GALNT13: variants seen among roughly 807,000 people sequenced by gnomAD.
The protein encoded by GALNT13 is polypeptide N-acetylgalactosaminyltransferase 13, also known as UDP-GalNAc:polypeptide N-acetylgalactosaminyltransferase 13.
A neutral mutation model predicts 64.2 loss-of-function variants in GALNT13; 28 were observed. The observed-to-expected ratio is 0.44, with a 90% CI of 0.32 to 0.60. GALNT13 has a LOEUF of 0.60. Ranked by LOEUF, GALNT13 falls within the 20% of genes least tolerant of loss-of-function variation. The pLI is 0.05. For missense variants in GALNT13, 577 were observed against 669.8 expected (o/e 0.86, Z 1.53); for synonymous variants, 214 against 224.6 (o/e 0.95, Z 0.42).
the GALNT13 span, among the ~76,000 whole-genome samples, chr2:153,406,887 G>A: frequency 2.0e-5 from 3 of 152,016 alleles, no homozygotes; most frequent in Non-Finnish European, 4.4e-5. Context: ...ATTCTAAACT[G>A]TTTTCACATG....
chr2:154,428,807 A>T (rs1410385753), intron 11 of GALNT13, among the ~76,000 whole-genome samples: 2 of 146,172 alleles, frequency 1.4e-5, no homozygotes, highest in Non-Finnish European at 3.0e-5. Flanking sequence ...TTTGAGATGG[A>T]GTCTCGCTCT....
the GALNT13 span, among the ~76,000 whole-genome samples, chr2:153,394,878 C>T: frequency 5.9e-5 from 9 of 152,248 alleles, no homozygotes; most frequent in South Asian, 2.1e-4. Context: ...GTAGTCTGCT[C>T]AGGATCTCAC....
chr2:153,568,000 T>G, the GALNT13 span, among the ~76,000 whole-genome samples: 1 of 152,204 alleles, frequency 6.6e-6, no homozygotes, highest in Non-Finnish European at 1.5e-5. Context: ...TCCTGAGGCT[T>G]CTTTTAAGTT....
rs1289593667 is a variant in GALNT13 at position 154,304,375 on chromosome 2, A to T, written c.1156+2786A>T. Among the ~76,000 whole-genome samples, 4 of 152,328 alleles carry T rather than the reference A, an allele frequency of 2.6e-5. No individual in the cohort carries two copies. In the East Asian group the frequency reaches 7.7e-4, roughly 29 times the overall value. On this transcript the variant is annotated intron_variant, in intron 9 of 12. Transcript: ENST00000392825. The stretch of plus-strand genomic sequence containing the variant: ...AACCTTTTCATTTTCTTTTGATGAT[A>T]CTTTTTGAATTCAAATCATTACTTG...
intron 9 of GALNT13, among the ~76,000 whole-genome samples, chr2:154,347,086 G>T (rs1052746350): frequency 1.3e-5 from 2 of 152,040 alleles, no homozygotes; most frequent in Admixed American, 1.3e-4. Flanking sequence ...ATGCTAGAAA[G>T]TTAGCATTTC....
In GALNT13 at chr2:154,027,162, A is replaced by T. The variant is rs540924828; in HGVS notation, c.142+82523A>T. On this transcript the variant is annotated intron_variant, in intron 3 of 12. Transcript: ENST00000392825. ...TATTTTACCTATCTAAACAAGTCAG[A>T]TCCCAATCTTTTGCTCTTGACAGCA... Among the ~76,000 whole-genome samples, 18 of 152,280 alleles carry T rather than the reference A, an allele frequency of 1.2e-4. No homozygotes were observed. The South Asian group carries it at 2.9e-3, about 25-fold the overall frequency.
chr2:153,268,977 G>T, the GALNT13 span, among the ~76,000 whole-genome samples: 2 of 152,188 alleles, frequency 1.3e-5, no homozygotes, highest in Non-Finnish European at 2.9e-5. Flanking sequence ...TAGGTCTCTG[G>T]ACCTGTGATG....
intron 3 of GALNT13, among the ~76,000 whole-genome samples, chr2:153,980,984 A>G (rs967209551): frequency 6.6e-6 from 1 of 152,138 alleles, no homozygotes; most frequent in Non-Finnish European, 1.5e-5. Flanking sequence ...ATGATATTTT[A>G]TTCATTTAAA....
At chr2:154,187,054 A>G (rs1686292455) in intron 4 of GALNT13, among the ~76,000 whole-genome samples, 1 of 152,032 alleles carries the variant, frequency 6.6e-6, no homozygotes. Flanking sequence ...TTCTAGTTTT[A>G]TCCCTCTTAC....
At chr2:153,231,183 G>T in the GALNT13 span, among the ~76,000 whole-genome samples, 1 of 152,158 alleles carries the variant, frequency 6.6e-6, no homozygotes, top group Non-Finnish European at 1.5e-5. Flanking sequence ...AGGCTGGAAT[G>T]GTGCCAGCAG....
intron 12 of GALNT13, among the ~76,000 whole-genome samples, chr2:154,440,890 T>G (rs707068): frequency 0.11 from 16,147 of 152,126 alleles, 1,147 homozygotes; most frequent in East Asian, 0.26. Context: ...TAAAAAGGAT[T>G]TTTTTTAAAC....
chr2:153,461,590 A>G, the GALNT13 span, among the ~76,000 whole-genome samples: 1 of 152,076 alleles, frequency 6.6e-6, no homozygotes, highest in Non-Finnish European at 1.5e-5. Flanking sequence ...TTCAAAAGTC[A>G]GGACACCCAG....
At position 154,242,855 on chromosome 2, in the gene GALNT13, A is replaced by G; in HGVS notation, c.636A>G (p.Glu212=). 1 of 1,614,162 alleles carries G rather than the reference A, an allele frequency of 6.2e-7. No homozygotes were observed. ...TAACTTTTCTTGATGCACACTGTGA[A>G]TGCACGTTAGGATGGCTGGAGCCTT... ...QVITFLDAHC[E]CTLGWLEPLL... Residue 212 remains glutamate, a synonymous_variant, in exon 6 of 13, where the codon GAA becomes GAG. Coordinates refer to ENST00000392825, the MANE Select transcript of GALNT13 (RefSeq NM_052917.4).
At chr2:153,316,256 T>C in the GALNT13 span, among the ~76,000 whole-genome samples, 6 of 152,086 alleles carry the variant, frequency 3.9e-5, no homozygotes, top group Non-Finnish European at 7.4e-5. Context: ...TCTCTGGAAA[T>C]GTCTTATAAA....
the GALNT13 span, among the ~76,000 whole-genome samples, chr2:153,614,409 A>G: frequency 2.6e-5 from 4 of 152,074 alleles, no homozygotes; most frequent in Non-Finnish European, 4.4e-5. Context: ...TTATCATTAT[A>G]TATCATTATC....
At chr2:153,617,500 A>G in the GALNT13 span, among the ~76,000 whole-genome samples, 8 of 152,006 alleles carry the variant, frequency 5.3e-5, no homozygotes, top group South Asian at 1.7e-3. Context: ...AGTATTAATC[A>G]GACATTGGCT....
the GALNT13 span, among the ~76,000 whole-genome samples, chr2:153,577,910 A>G: frequency 6.6e-6 from 1 of 151,098 alleles, no homozygotes; most frequent in Non-Finnish European, 1.5e-5. Flanking sequence ...CTTTATATAT[A>G]TATATATATT....
chr2:153,267,159 GTGGGCTCCCT>G, the GALNT13 span, among the ~76,000 whole-genome samples: 201 of 152,328 alleles, frequency 1.3e-3, 2 homozygotes, highest in Middle Eastern at 6.8e-3. Context: ...GGTTTAAGAG[GTGGGCTCCCT>G]TGACCTTGGG....
At chr2:153,450,331 C>T in the GALNT13 span, among the ~76,000 whole-genome samples, 2 of 151,538 alleles carry the variant, frequency 1.3e-5, no homozygotes, top group Non-Finnish European at 2.9e-5. Context: ...TTCTTTTTTC[C>T]TCCCCATCTT....
Sources: gnomAD v4.1 joint callset for allele counts (sites outside exome capture counted in the v4.1 genomes callset) on GRCh38, gnomAD v4.1.1 for gene constraint, MANE v1.5 for transcripts, NCBI Gene and HGNC (gene_info 2026-07-23, HGNC 2026-07-21) for gene names.